Variants in MINDY4 observed in about 807,000 individuals in gnomAD.
The protein encoded by MINDY4 is probable ubiquitin carboxyl-terminal hydrolase MINDY-4.
In MINDY4, 68 loss-of-function variants were observed where a neutral mutation model predicts 87.0. The observed-to-expected ratio is 0.78, with a 90% CI of 0.64 to 0.96. The LOEUF is 0.96. MINDY4 is among the 40% of genes least tolerant of loss of function. The pLI is 0.00. For synonymous variants in MINDY4, 379 were observed against 363.2 expected, an observed-to-expected ratio of 1.04 and a Z score of -0.50; for missense variants, 919 against 928.2, an observed-to-expected ratio of 0.99 and a Z score of 0.13.
chr7:30,774,472 A>T (rs1408722947), intron 1 of MINDY4, among the ~76,000 whole-genome samples: 1 of 151,984 alleles, frequency 6.6e-6, no homozygotes, highest in African/African-American at 2.4e-5. Flanking sequence ...GCAGAATCCC[A>T]TCTTGACCCC....
In MINDY4 at chr7:30,877,694, T is replaced by TC. The variant is rs1305419732; in HGVS notation, c.1971+2038_1971+2039insC. 2.7e-5 allele frequency among the ~76,000 whole-genome samples: 4 copies of TC among 149,886 alleles called. No homozygotes were observed. In the East Asian group the frequency reaches 5.9e-4, roughly 22 times the overall value. ...TTCTTCTTCTTCTTCTTTTTTTTTT[T>TC]TTTTTGAGACAAGGTCTCACTCTGT... On this transcript the variant is annotated intron_variant, in intron 15 of 17. Coordinates refer to ENST00000265299, the MANE Select transcript of MINDY4 (RefSeq NM_032222.3).
chr7:30,868,165 C>T (rs537244201), intron 13 of MINDY4, among the ~76,000 whole-genome samples: 5 of 152,274 alleles, frequency 3.3e-5, no homozygotes, highest in African/African-American at 9.6e-5. Flanking sequence ...ACAAGCTGTG[C>T]CTGAGCCAGC....
chr7:30,792,054 A>G (rs944744886), intron 5 of MINDY4, among the ~76,000 whole-genome samples: 1 of 152,190 alleles, frequency 6.6e-6, no homozygotes, highest in Non-Finnish European at 1.5e-5. Flanking sequence ...CGTGGCTAAG[A>G]GTTTCTTGTG....
intron 15 of MINDY4, among the ~76,000 whole-genome samples, chr7:30,877,563 GCCT>G (rs1790299608): frequency 6.6e-6 from 1 of 152,020 alleles, no homozygotes; most frequent in African/African-American, 2.4e-5. Flanking sequence ...AGGAGCCCTG[GCCT>G]CCTCTCCTCC....
At position 30,872,319 on chromosome 7, in the gene MINDY4, T is replaced by C; in HGVS notation, c.1809+13T>C. ...CTACTGTACACAGGTCAGGGGGCGC[T>C]GTGGGGCCCAGGTGGTCCTTCCCCC... On this transcript the variant is annotated intron_variant, in intron 14 of 17. Transcript: ENST00000265299. 1 of 1,613,316 alleles carries C rather than the reference T, an allele frequency of 6.2e-7. No individual in the cohort carries two copies. The highest frequency in any genetic ancestry group is 8.5e-7 in the Non-Finnish European group (1 of 1,179,444).
At chr7:30,865,548 C>T (rs1789907655) in intron 13 of MINDY4, among the ~76,000 whole-genome samples, 1 of 152,242 alleles carries the variant, frequency 6.6e-6, no homozygotes, top group African/African-American at 2.4e-5. Context: ...CCCCAGGCCC[C>T]TTTACAGGGA....
intron 1 of MINDY4, among the ~76,000 whole-genome samples, chr7:30,774,559 T>A (rs1786750006): frequency 6.7e-6 from 1 of 149,248 alleles, no homozygotes; most frequent in African/African-American, 2.6e-5. Context: ...ACTTTCATTT[T>A]AATTCTTTTC....
intron 9 of MINDY4, among the ~76,000 whole-genome samples, chr7:30,841,097 C>G (rs1032649081): frequency 2.0e-5 from 3 of 151,426 alleles, no homozygotes; most frequent in Non-Finnish European, 4.4e-5. Context: ...GCTGCAGGAA[C>G]GACATCAAAA....
chr7:30,782,338 ATGTTTGTG>A (rs1787030397), intron 3 of MINDY4, 126 bp downstream of exon 3: 5 of 642,792 alleles, frequency 7.8e-6, no homozygotes, highest in East Asian at 3.0e-5. Flanking sequence ...CTGTGTGTGT[ATGTTTGTG>A]TGTGTGTGTG....
At chr7:30,845,536 A>G (rs556100842) in intron 9 of MINDY4, among the ~76,000 whole-genome samples, 6 of 140,492 alleles carry the variant, frequency 4.3e-5, no homozygotes, top group South Asian at 2.3e-4. Context: ...AAAAAAAAAA[A>G]GGGCAAGCTC....
intron 5 of MINDY4, among the ~76,000 whole-genome samples, chr7:30,812,343 A>T (rs996645735): frequency 6.6e-6 from 1 of 152,266 alleles, no homozygotes; most frequent in Non-Finnish European, 1.5e-5. Flanking sequence ...TTGTCACTAT[A>T]AGTGAAGGGT....
intron 5 of MINDY4, among the ~76,000 whole-genome samples, chr7:30,811,746 G>C (rs879692717): frequency 6.6e-6 from 1 of 152,160 alleles, no homozygotes; most frequent in Non-Finnish European, 1.5e-5. Context: ...GTTCTGTTCC[G>C]TTCTAATTAC....
In MINDY4 at chr7:30,771,575, CAAA is replaced by C. The variant is rs749279358; in HGVS notation, c.63+20_63+22del. ...CAGAAAGGTAACGGCTCGCCCCCTC[CAAA>C]GCCCAGGAAGTGGCTCTAATTTGGG... On this transcript the variant is annotated intron_variant, in intron 1 of 17. Transcript: ENST00000265299. 5 of 1,578,202 alleles carry C rather than the reference CAAA, an allele frequency of 3.2e-6. No homozygotes were observed.
At chr7:30,866,901 C>T (rs955216962) in intron 13 of MINDY4, among the ~76,000 whole-genome samples, 5 of 152,222 alleles carry the variant, frequency 3.3e-5, no homozygotes, top group South Asian at 2.1e-4. Flanking sequence ...TTCCGTCCTG[C>T]GGAGCCTTCC....
chr7:30,771,421 T>G lies in MINDY4; in HGVS notation c.-73T>G. 2 of 1,468,362 alleles carry G rather than the reference T, an allele frequency of 1.4e-6. No individual in the cohort carries two copies. Among genetic ancestry groups the G allele is most frequent in the Non-Finnish European group, 1.8e-6 (2 of 1,089,338 alleles). The allele number at this position is 1,468,362 out of a possible 1,614,324, so 91.0% of individuals were successfully genotyped here. On this transcript the variant is annotated 5_prime_UTR_variant, in exon 1 of 18. Transcript: ENST00000265299. ...CGTCGCCACGGCAACGCGGCCATAC[T>G]GCGCCGGACAGACCCAGTTGCCTGG... is the stretch of plus-strand genomic sequence containing the variant.
chr7:30,880,206 C>G (rs867489922), intron 15 of MINDY4, among the ~76,000 whole-genome samples: 1 of 152,136 alleles, frequency 6.6e-6, no homozygotes, highest in Non-Finnish European at 1.5e-5. Context: ...TCACAACCCC[C>G]GCCCTAGAAG....
intron 5 of MINDY4, among the ~76,000 whole-genome samples, chr7:30,810,511 A>C (rs1253286162): frequency 1.3e-5 from 2 of 152,158 alleles, no homozygotes; most frequent in Non-Finnish European, 2.9e-5. Flanking sequence ...ATATACAAAA[A>C]ATTCTGTGTG....
Position 30,836,804 on chromosome 7 carries a change from T to C in MINDY4, c.1239+40T>C, listed in dbSNP as rs762153582. 8 of 1,494,794 alleles carry C rather than the reference T, an allele frequency of 5.4e-6. No individual in the cohort carries two copies. The South Asian group carries it at 9.1e-5, about 17-fold the overall frequency. 92.6% of individuals were successfully genotyped at this position (1,494,794 alleles called of 1,614,324 possible). ...ACTCCTGGGTTAAATGTGTCTTGATTTGAATGGATATAGATGGCGTGATTT... is the reference window on the plus strand; with the variant it reads ...ACTCCTGGGTTAAATGTGTCTTGATCTGAATGGATATAGATGGCGTGATTT... On this transcript the variant is annotated intron_variant, in intron 7 of 17. Coordinates refer to ENST00000265299, the MANE Select transcript of MINDY4 (RefSeq NM_032222.3).
At chr7:30,847,625 C>T (rs1311811509) in intron 9 of MINDY4, among the ~76,000 whole-genome samples, 1 of 152,192 alleles carries the variant, frequency 6.6e-6, no homozygotes, top group Non-Finnish European at 1.5e-5. Flanking sequence ...GTACCTCCCT[C>T]ATAGGGTTGC....
Sources: allele counts gnomAD v4.1 joint callset (sites outside exome capture counted in the v4.1 genomes callset), GRCh38; gene constraint gnomAD v4.1.1; transcripts MANE v1.5; gene names NCBI Gene and HGNC (gene_info 2026-07-23, HGNC 2026-07-21).